The following USP6NL variants were observed in gnomAD, a reference collection of about 807,000 sequenced individuals.
USP6NL encodes the protein USP6 N-terminal like, also known as USP6 N-terminal-like protein.
In USP6NL, 26 loss-of-function variants were observed where a neutral mutation model predicts 61.9. That is an observed-to-expected ratio of 0.42 (90% CI 0.31 to 0.58). The LOEUF (loss-of-function observed/expected upper bound fraction) is 0.58. USP6NL is among the 20% of genes least tolerant of loss of function. The pLI, the probability that USP6NL is intolerant of heterozygous loss-of-function variation, is 0.16. For missense variants in USP6NL, 1,114 were observed against 1,034.3 expected (o/e 1.08, Z -1.06); for synonymous variants, 432 against 390.1 (o/e 1.11, Z -1.27).
chr10:11,565,981 T>C (rs12569391), intron 2 of USP6NL, among the ~76,000 whole-genome samples: 41,751 of 152,096 alleles, frequency 0.27, 6,387 homozygotes, highest in East Asian at 0.59. Context: ...CAGATAATAG[T>C]GCTCCACATG....
chr10:11,582,767 A>G (rs1471622171), intron 2 of USP6NL, among the ~76,000 whole-genome samples: 1 of 152,148 alleles, frequency 6.6e-6, no homozygotes, highest in Non-Finnish European at 1.5e-5. Context: ...TCTGTAGCTC[A>G]GTGGACACTA....
rs1276207643 is a variant in USP6NL, at chr10:11,468,668, G to A, written c.1079-4819C>T. ...GGAGGGGAGGAGGTGTGGGAAAAAT[G>A]CGGAACACCTTTGAGGAAAATGTTG... On this transcript the variant is annotated intron_variant, in intron 14 of 14. Transcript: ENST00000609104. The surrounding 1 kb of genome is among the most constrained non-coding windows in gnomAD (Gnocchi z 4.5). 6.6e-6 allele frequency among the ~76,000 whole-genome samples: 1 copy of A among 152,222 alleles called. No individual in the cohort carries two copies. Among genetic ancestry groups the A allele is most frequent in the Admixed American group, 6.5e-5 (1 of 15,280 alleles).
intron 6 of USP6NL, among the ~76,000 whole-genome samples, chr10:11,506,735 T>C (rs1404079778): frequency 1.7e-5 from 1 of 59,474 alleles, no homozygotes; most frequent in East Asian, 2.0e-3. Context: ...CTTAACAGAA[T>C]TTTTTTTTTT....
chr10:11,517,788 T>C (rs1388228492), intron 5 of USP6NL, among the ~76,000 whole-genome samples: 1 of 152,214 alleles, frequency 6.6e-6, no homozygotes, highest in Non-Finnish European at 1.5e-5. Flanking sequence ...TTCACCTTCA[T>C]TACCTGAAAT....
rs184446631 is a variant in USP6NL at position 11,519,941 on chromosome 10, T to C, written c.156-1367A>G. The stretch of plus-strand genomic sequence containing the variant: ...TAATATATCATCTTGAAGAGCATGA[T>C]AGAGCGGTATTCACCAGTACGGTAT... On this transcript the variant is annotated intron_variant, in intron 4 of 14. Transcript: ENST00000609104. 1.3e-3 allele frequency among the ~76,000 whole-genome samples: 196 copies of C among 152,328 alleles called. 1 individual carries two copies. The highest frequency in any genetic ancestry group is 3.4e-3 in the Middle Eastern group (1 of 294).
intron 2 of USP6NL, among the ~76,000 whole-genome samples, chr10:11,555,800 G>C (rs1017049344): frequency 6.6e-6 from 1 of 152,108 alleles, no homozygotes. Flanking sequence ...GCAGCAATAA[G>C]ATCAACTGCA....
chr10:11,564,198 C>A (rs1837040513), intron 2 of USP6NL: 1 of 152,132 alleles, frequency 6.6e-6, no homozygotes, highest in African/African-American at 2.4e-5. Flanking sequence ...ACTCAAGCAG[C>A]CTTTTGTTAA....
intron 5 of USP6NL, among the ~76,000 whole-genome samples, chr10:11,514,326 A>ATG (rs950364789): frequency 6.6e-6 from 1 of 151,740 alleles, no homozygotes; most frequent in African/African-American, 2.4e-5. Flanking sequence ...TATGACTGTG[A>ATG]TGGTGGTAAA....
At chr10:11,533,481 T>A (rs922799739) in intron 2 of USP6NL, among the ~76,000 whole-genome samples, 1 of 152,200 alleles carries the variant, frequency 6.6e-6, no homozygotes, top group Non-Finnish European at 1.5e-5. Context: ...TTGCCCTGCA[T>A]CATGCAAGTG....
At chr10:11,564,773 T>G (rs926065078) in intron 2 of USP6NL, 1 of 152,240 alleles carries the variant, frequency 6.6e-6, no homozygotes, top group Admixed American at 6.5e-5. Flanking sequence ...AGATATTGCA[T>G]GAGTGTCTGA....
At chr10:11,599,889 G>C (rs1398499885) in intron 1 of USP6NL, among the ~76,000 whole-genome samples, 1 of 151,998 alleles carries the variant, frequency 6.6e-6, no homozygotes, top group Non-Finnish European at 1.5e-5. Context: ...TCGATCTCCT[G>C]ACCTCGTGAT....
In USP6NL at chr10:11,463,712, C is replaced by G. The variant is rs540226752; in HGVS notation, c.1216G>C (p.Gly406Arg). Residue 406 changes from glycine to arginine, a missense_variant, in exon 15 of 15, where the codon GGG becomes CGG. Coordinates refer to ENST00000609104, the MANE Select transcript of USP6NL (RefSeq NM_014688.5). The surrounding 1 kb of genome is among the most constrained non-coding windows in gnomAD (Gnocchi z 6.3). ...TGCTCGTGCCTCCTGTGGGGCGCCC[C>G]GCTCTCCCTCCTGCCGCTGGCCAGC... is the stretch of plus-strand genomic sequence containing the variant. Reference protein sequence around the residue: ...SPLASGRRESGAPHRRHEHSP... With the variant: ...SPLASGRRESRAPHRRHEHSP... 1.8e-4 allele frequency: 284 copies of G among 1,610,962 alleles called. No individual in the cohort carries two copies. Among genetic ancestry groups the G allele is most frequent in the Non-Finnish European group, 2.3e-4 (273 of 1,178,202 alleles).
chr10:11,563,910 T>C (rs1478434225), intron 2 of USP6NL: 1 of 152,238 alleles, frequency 6.6e-6, no homozygotes, highest in Non-Finnish European at 1.5e-5. Context: ...AGCATTTTGT[T>C]GACATTTTGG....
Position 11,589,190 on chromosome 10 carries a change from A to G in USP6NL, c.4+8441T>C, listed in dbSNP as rs1046760916. On this transcript the variant is annotated intron_variant, in intron 2 of 14. Transcript: ENST00000609104. This position sits in a 1 kb window ranked among gnomAD's most constrained non-coding sequence, Gnocchi z 4.7. ...TCTGTCAGCAGAAACGTTTTTTATA[A>G]TAAAGCATGCCAACAAAATACATCC... is the stretch of plus-strand genomic sequence containing the variant. Among the ~76,000 whole-genome samples, 2 of 152,200 alleles carry G rather than the reference A, an allele frequency of 1.3e-5. No individual in the cohort carries two copies. The highest frequency in any genetic ancestry group is 4.8e-5 in the African/African-American group (2 of 41,444).
chr10:11,548,250 T>C lies in USP6NL; in HGVS notation c.5-20683A>G, dbSNP rs557022460. Among the ~76,000 whole-genome samples the C allele has an allele frequency of 2.0e-5, 3 of 152,338 alleles. No individual in the cohort carries two copies. Among genetic ancestry groups the C allele is most frequent in the Admixed American group, 6.5e-5 (1 of 15,300 alleles). ...CATTTACTAAAGTCCCCTTTGAAAT[T>C]TGATGCCCCAAATTCAACATGATAC... is the stretch of plus-strand genomic sequence containing the variant. On this transcript the variant is annotated intron_variant, in intron 2 of 14. Coordinates refer to ENST00000609104, the MANE Select transcript of USP6NL (RefSeq NM_014688.5). This position sits in a 1 kb window ranked among gnomAD's most constrained non-coding sequence, Gnocchi z 4.3.
In USP6NL at chr10:11,499,297, C is replaced by A. The variant is rs931484905; in HGVS notation, c.384+1804G>T. ...GTTGAAAATCATAGGCTTGAAGGTA[C>A]TGGCAGGCAAGTCATTCTTTTGTTG... On this transcript the variant is annotated intron_variant, in intron 7 of 14. Coordinates refer to ENST00000609104, the MANE Select transcript of USP6NL (RefSeq NM_014688.5). This position sits in a 1 kb window ranked among gnomAD's most constrained non-coding sequence, Gnocchi z 4.5. 2.6e-5 allele frequency among the ~76,000 whole-genome samples: 4 copies of A among 152,174 alleles called. No homozygotes were observed. Among genetic ancestry groups the A allele is most frequent in the Non-Finnish European group, 5.9e-5 (4 of 68,038 alleles).
At position 11,493,200 on chromosome 10, in the gene USP6NL, G is replaced by A; in HGVS notation, c.413C>T (p.Ser138Leu). 2 of 1,611,678 alleles carry A rather than the reference G, an allele frequency of 1.2e-6. No homozygotes were observed. The highest frequency in any genetic ancestry group is 1.3e-5 in the African/African-American group (1 of 74,996). ...SKLKHRARGC[S>L]PDIRQIDLDV... ...CAGGTCTATTTGTCTGATGTCAGGT[G>A]AACAGCCCCGTGCTCTGTGTTTTAA... The change falls in exon 8 of 15, where the codon TCA becomes TTA. Residue 138 changes from serine (S) to leucine (L), a missense_variant. Coordinates refer to ENST00000609104, the MANE Select transcript of USP6NL (RefSeq NM_014688.5).
chr10:11,546,885 T>C (rs898500810), intron 2 of USP6NL, among the ~76,000 whole-genome samples: 6 of 152,240 alleles, frequency 3.9e-5, no homozygotes, highest in Admixed American at 1.3e-4. Flanking sequence ...ATATACGCTT[T>C]AGAAACAACT....
At chr10:11,527,877 C>G (rs1383760767) in intron 2 of USP6NL, among the ~76,000 whole-genome samples, 3 of 152,044 alleles carry the variant, frequency 2.0e-5, no homozygotes, top group African/African-American at 7.2e-5. Context: ...AAACTGAAAG[C>G]TCTAAGTTTT....
Sources: gnomAD v4.1 joint callset for allele counts (sites outside exome capture counted in the v4.1 genomes callset) on GRCh38, gnomAD v4.1.1 for gene constraint, Gnocchi (gnomAD v3.1) non-coding constraint, MANE v1.5 for transcripts, NCBI Gene and HGNC (gene_info 2026-07-23, HGNC 2026-07-21) for gene names.